COL19A1: variants seen among roughly 807,000 people sequenced by gnomAD.
COL19A1 encodes collagen alpha-1(XIX) chain.
In COL19A1, 159 loss-of-function variants were observed where a neutral mutation model predicts 190.2. The observed-to-expected ratio is 0.84, with a 90% CI of 0.73 to 0.95. COL19A1 has a LOEUF of 0.95. COL19A1 is among the 40% of genes least tolerant of loss of function. The probability of loss-of-function intolerance (pLI) is 0.00; values close to 1 mark genes in which losing one functional copy is unlikely to be tolerated. For missense variants in COL19A1, 1,418 were observed against 1,431.9 expected, an observed-to-expected ratio of 0.99 and a Z score of 0.16; for synonymous variants, 509 against 458.9, an observed-to-expected ratio of 1.11 and a Z score of -1.39.
intron 25 of COL19A1, among the ~76,000 whole-genome samples, chr6:70,145,869 C>T (rs1438986213): frequency 6.6e-6 from 1 of 151,778 alleles, no homozygotes; most frequent in Non-Finnish European, 1.5e-5. Flanking sequence ...AACAGGCACA[C>T]ACCACCAAGC....
rs766343037 is a variant in COL19A1 at position 70,207,237 on chromosome 6, C to T, written c.3392C>T (p.Pro1131Leu). 1 of 1,613,896 alleles carries T rather than the reference C, an allele frequency of 6.2e-7. No individual in the cohort carries two copies. Among genetic ancestry groups the T allele is most frequent in the African/African-American group, 1.3e-5 (1 of 74,890 alleles). The stretch of plus-strand genomic sequence containing the variant: ...TGTAACCCAGAAGATTGCCTCTATC[C>T]TGTGTCTCATGCCCATCAGCGCACA... ...GRCNPEDCLY[P>L]VSHAHQRTGG... The change falls in exon 51 of 51, where the codon CCT (proline) becomes CTT (leucine). Residue 1131 changes from proline to leucine, a missense_variant. Physicochemically the swap from Pro to Leu is moderately conservative, Grantham distance 98 (BLOSUM62 -3). Coordinates refer to ENST00000620364, the MANE Select transcript of COL19A1 (RefSeq NM_001858.6).
intron 11 of COL19A1, among the ~76,000 whole-genome samples, chr6:69,992,996 A>G (rs1280418777): frequency 6.6e-6 from 1 of 152,052 alleles, no homozygotes; most frequent in Non-Finnish European, 1.5e-5. Context: ...ACTGCGTTGA[A>G]TGGGAGCGAT....
chr6:70,035,048 A>C (rs1562105856), intron 13 of COL19A1, among the ~76,000 whole-genome samples: 1 of 152,190 alleles, frequency 6.6e-6, no homozygotes, highest in Non-Finnish European at 1.5e-5. Flanking sequence ...CTAAGTTTTA[A>C]CTTCTGAGGT....
chr6:70,195,324 G>A (rs956432778), intron 48 of COL19A1, among the ~76,000 whole-genome samples: 4 of 151,988 alleles, frequency 2.6e-5, no homozygotes, highest in Non-Finnish European at 5.9e-5. Context: ...TTTAAAAACC[G>A]ATTGAAAGTT....
rs766454443 is a variant in COL19A1, at chr6:70,163,371, G to T, written c.2375G>T (p.Gly792Val). Residue 792 changes from glycine (G) to valine (V), a missense_variant, in exon 36 of 51, where the codon GGT (glycine) becomes GTT (valine). Gly to Val is a moderately radical substitution (Grantham distance 109). Transcript: ENST00000620364. ...TTAATGGGAAGAACTGGACATCCTG[G>T]TCCCACAGGAGCAAAAGGTGAAAAG... ...PGLMGRTGHPGPTGAKGEKGS... is the reference protein window; with the variant it reads ...PGLMGRTGHPVPTGAKGEKGS... The T allele has an allele frequency of 3.7e-6, 6 of 1,612,258 alleles. No individual in the cohort carries two copies. In the East Asian group the frequency reaches 1.3e-4, roughly 36 times the overall value.
At chr6:70,185,989 T>A (rs553519475) in intron 46 of COL19A1, among the ~76,000 whole-genome samples, 37 of 152,242 alleles carry the variant, frequency 2.4e-4, no homozygotes, top group African/African-American at 8.4e-4. Flanking sequence ...ATACATAATA[T>A]ACACATATAT....
intron 4 of COL19A1, among the ~76,000 whole-genome samples, chr6:69,905,559 A>G (rs763628677): frequency 3.9e-5 from 6 of 152,204 alleles, no homozygotes; most frequent in Admixed American, 2.0e-4. Context: ...CAGCAGGGCA[A>G]TTATACCTTT....
At chr6:70,130,553 G>T (rs1785459457) in intron 18 of COL19A1, among the ~76,000 whole-genome samples, 1 of 152,180 alleles carries the variant, frequency 6.6e-6, no homozygotes, top group South Asian at 2.1e-4. Context: ...GTGAATAGAA[G>T]GGCCCAGTAT....
chr6:70,019,111 C>A (rs1778277618), intron 11 of COL19A1, among the ~76,000 whole-genome samples: 1 of 152,056 alleles, frequency 6.6e-6, no homozygotes, highest in Non-Finnish European at 1.5e-5. Context: ...TGAAATTGAA[C>A]CAGTTTACAA....
At chr6:69,908,424 A>G (rs1310425403) in intron 4 of COL19A1, among the ~76,000 whole-genome samples, 1 of 152,202 alleles carries the variant, frequency 6.6e-6, no homozygotes, top group East Asian at 1.9e-4. Flanking sequence ...TGACTGTTAT[A>G]CATGATTATG....
intron 11 of COL19A1, among the ~76,000 whole-genome samples, chr6:69,966,440 C>T (rs1359238456): frequency 1.3e-5 from 2 of 152,306 alleles, no homozygotes; most frequent in East Asian, 3.9e-4. Flanking sequence ...AATTCTTCTG[C>T]CTTGGGATGC....
At chr6:70,163,997 C>G (rs1787978151) in intron 36 of COL19A1, among the ~76,000 whole-genome samples, 3 of 152,122 alleles carry the variant, frequency 2.0e-5, no homozygotes. Flanking sequence ...AGGCTCCACC[C>G]TCATGACCTA....
At chr6:70,079,827 G>A (rs1782129203) in intron 15 of COL19A1, among the ~76,000 whole-genome samples, 1 of 152,178 alleles carries the variant, frequency 6.6e-6, no homozygotes, top group Non-Finnish European at 1.5e-5. Flanking sequence ...ACTACATTGG[G>A]AGAGGTCAAG....
intron 14 of COL19A1, among the ~76,000 whole-genome samples, chr6:70,059,532 C>T (rs1165702156): frequency 2.0e-5 from 3 of 152,122 alleles, no homozygotes; most frequent in Admixed American, 6.5e-5. Flanking sequence ...CTTAAATAAT[C>T]AGCAGATTGT....
At chr6:70,079,376 C>A (rs1782095140) in intron 15 of COL19A1, among the ~76,000 whole-genome samples, 1 of 152,092 alleles carries the variant, frequency 6.6e-6, no homozygotes, top group South Asian at 2.1e-4. Context: ...GTAGAAGAAC[C>A]AAGTTTACTG....
intron 9 of COL19A1, among the ~76,000 whole-genome samples, chr6:69,941,919 A>T (rs1773493240): frequency 6.6e-6 from 1 of 151,982 alleles, no homozygotes; most frequent in East Asian, 1.9e-4. Context: ...CGAACTCCTG[A>T]CCTCAGGTCA....
At chr6:69,904,519 A>C (rs1770406941) in intron 4 of COL19A1, among the ~76,000 whole-genome samples, 1 of 152,150 alleles carries the variant, frequency 6.6e-6, no homozygotes, top group Non-Finnish European at 1.5e-5. Context: ...TGACACTGTT[A>C]CCTAACTCTC....
At position 70,072,141 on chromosome 6, in the gene COL19A1, A is replaced by G. The variant is rs76456484; in HGVS notation, c.1224+3665A>G. 2.3e-3 allele frequency among the ~76,000 whole-genome samples: 348 copies of G among 152,286 alleles called. 6 individuals are homozygous for G. The highest frequency in any genetic ancestry group is 8.0e-3 in the African/African-American group (331 of 41,572). Reference sequence around the variant, plus strand: ...TTCAGGTAGCAGATCATGTTCATGGATATTAATGAGAAACATTGCAAAAGA... The same window carrying G: ...TTCAGGTAGCAGATCATGTTCATGGGTATTAATGAGAAACATTGCAAAAGA... On this transcript the variant is annotated intron_variant, in intron 15 of 50. Transcript: ENST00000620364.
At chr6:69,942,740 ATGTGTG>A (rs35406948) in intron 9 of COL19A1, among the ~76,000 whole-genome samples, 1,781 of 146,676 alleles carry the variant, frequency 0.012, 20 homozygotes, top group African/African-American at 0.031. Flanking sequence ...CATTGTGTGT[ATGTGTG>A]TGTGTGTGTG....
Sources: gnomAD v4.1 joint callset for allele counts (sites outside exome capture counted in the v4.1 genomes callset) on GRCh38, gnomAD v4.1.1 for gene constraint, MANE v1.5 for transcripts, NCBI Gene and HGNC (gene_info 2026-07-23, HGNC 2026-07-21) for gene names.